Variants in RARB observed in about 807,000 individuals in gnomAD.
RARB encodes retinoic acid receptor beta, also known as HBV-activated protein.
RARB carries 17 observed loss-of-function variants against 51.9 expected under a neutral mutation model. That is an observed-to-expected ratio of 0.33 (90% CI 0.22 to 0.49). The LOEUF (loss-of-function observed/expected upper bound fraction) is 0.49. RARB is among the 20% of genes least tolerant of loss of function. The probability of loss-of-function intolerance (pLI) is 0.99; values close to 1 mark genes in which losing one functional copy is unlikely to be tolerated. For missense variants in RARB, 369 were observed against 550.8 expected (o/e 0.67, Z 3.30); for synonymous variants, 215 against 195.4 (o/e 1.10, Z -0.84).
intron 5 of RARB, among the ~76,000 whole-genome samples, chr3:25,226,857 T>C (rs1179069562): frequency 2.0e-5 from 3 of 152,200 alleles, no homozygotes; most frequent in African/African-American, 7.2e-5. Flanking sequence ...CAGTTACCCA[T>C]AATTGAACCT....
chr3:25,064,830 A>G (rs998947427), intron 3 of RARB, among the ~76,000 whole-genome samples: 1 of 152,166 alleles, frequency 6.6e-6, no homozygotes, highest in African/African-American at 2.4e-5. Context: ...GAAGTGTTTT[A>G]CTCATTGATG....
chr3:25,164,820 A>G (rs995523062), intron 4 of RARB, among the ~76,000 whole-genome samples: 5 of 152,126 alleles, frequency 3.3e-5, no homozygotes, highest in Non-Finnish European at 7.4e-5. Context: ...TTAACTCTCT[A>G]TCTTAAATTA....
intron 5 of RARB, among the ~76,000 whole-genome samples, chr3:25,265,827 G>T (rs997173635): frequency 2.0e-5 from 3 of 152,080 alleles, no homozygotes; most frequent in African/African-American, 7.2e-5. Flanking sequence ...GGGCTTCACT[G>T]GCTAAAATGA....
intron 3 of RARB, among the ~76,000 whole-genome samples, chr3:25,064,510 A>C (rs1294859571): frequency 6.6e-6 from 1 of 152,176 alleles, no homozygotes; most frequent in East Asian, 1.9e-4. Context: ...ACTGTCTTAT[A>C]GAATTACCGA....
At chr3:25,552,618 A>G (rs548562916) in intron 3 of RARB, among the ~76,000 whole-genome samples, 1 of 152,262 alleles carries the variant, frequency 6.6e-6, no homozygotes, top group South Asian at 2.1e-4. Context: ...TCCTCTCTCA[A>G]GTTCTTAGAA....
At chr3:25,237,787 T>G (rs765704339) in intron 5 of RARB, among the ~76,000 whole-genome samples, 27 of 152,164 alleles carry the variant, frequency 1.8e-4, no homozygotes, top group African/African-American at 7.2e-5. Flanking sequence ...TACTCTACTT[T>G]TAATGCCAAA....
intron 5 of RARB, among the ~76,000 whole-genome samples, chr3:25,202,304 G>A (rs537649340): frequency 1.4e-4 from 21 of 151,860 alleles, no homozygotes; most frequent in East Asian, 3.9e-4. Flanking sequence ...TTTTCATTGC[G>A]TCTATTTGAT....
intron 5 of RARB, among the ~76,000 whole-genome samples, chr3:25,357,567 T>C (rs1303291933): frequency 2.6e-5 from 4 of 152,262 alleles, no homozygotes; most frequent in African/African-American, 7.2e-5. Flanking sequence ...TTTGGTGTTT[T>C]AGTCATGAAG....
chr3:25,212,461 T>C (rs1304114163), intron 5 of RARB, among the ~76,000 whole-genome samples: 1 of 151,986 alleles, frequency 6.6e-6, no homozygotes, highest in Non-Finnish European at 1.5e-5. Flanking sequence ...CTACTAAAAA[T>C]ACAAAAATTA....
At chr3:25,338,535 T>G (rs1222679034) in intron 5 of RARB, among the ~76,000 whole-genome samples, 1 of 152,166 alleles carries the variant, frequency 6.6e-6, no homozygotes, top group African/African-American at 2.4e-5. Context: ...CACTCTCTAG[T>G]TACTTTGACA....
chr3:24,848,749 T>C (rs1702516526), intron 1 of RARB, among the ~76,000 whole-genome samples: 1 of 152,204 alleles, frequency 6.6e-6, no homozygotes, highest in Non-Finnish European at 1.5e-5. Context: ...TCTGTTTCCA[T>C]GATTGATTGT....
At chr3:25,062,270 T>C (rs992244711) in intron 3 of RARB, among the ~76,000 whole-genome samples, 2 of 151,830 alleles carry the variant, frequency 1.3e-5, no homozygotes, top group Admixed American at 6.6e-5. Flanking sequence ...TAAATACATA[T>C]AAAAGCTATA....
chr3:25,537,538 G>C (rs1377611213), intron 3 of RARB, among the ~76,000 whole-genome samples: 2 of 152,136 alleles, frequency 1.3e-5, no homozygotes, highest in Admixed American at 6.5e-5. Flanking sequence ...GGCTCTTGTG[G>C]GGCTGTTTTA....
Position 25,257,822 on chromosome 3 carries a change from C to T in RARB, c.178+83247C>T, listed in dbSNP as rs191394783. Reference sequence around the variant, plus strand: ...CAAACCTTCTAAGCCCTCTTTGTTACCTAGTCCTTTAAAACACCCCAAATA... The same window carrying T: ...CAAACCTTCTAAGCCCTCTTTGTTATCTAGTCCTTTAAAACACCCCAAATA... On this transcript the variant is annotated intron_variant, in intron 5 of 11. Coordinates refer to the RARB transcript ENST00000383772. Among the ~76,000 whole-genome samples the T allele has an allele frequency of 4.0e-3, 611 of 152,148 alleles. 3 individuals are homozygous for T. The highest frequency in any genetic ancestry group is 6.5e-3 in the Non-Finnish European group (442 of 67,990).
At chr3:24,998,385 A>G (rs1458570103) in intron 2 of RARB, among the ~76,000 whole-genome samples, 1 of 151,898 alleles carries the variant, frequency 6.6e-6, no homozygotes, top group Non-Finnish European at 1.5e-5. Flanking sequence ...ACTTAGTTGC[A>G]TATGATCCTA....
chr3:25,439,189 A>G (rs1415772981), intron 1 of RARB, among the ~76,000 whole-genome samples: 1 of 152,228 alleles, frequency 6.6e-6, no homozygotes, highest in Non-Finnish European at 1.5e-5. Context: ...GTCTTCCACT[A>G]CCAAAAGCAA....
chr3:25,517,373 C>A (rs1396522597), intron 3 of RARB, among the ~76,000 whole-genome samples: 1 of 152,084 alleles, frequency 6.6e-6, no homozygotes, highest in Non-Finnish European at 1.5e-5. Flanking sequence ...ATACAAATAA[C>A]TAATAAATAC....
intron 2 of RARB, among the ~76,000 whole-genome samples, chr3:24,867,616 TCTCATGGGAA>T (rs1192288158): frequency 6.6e-6 from 1 of 152,076 alleles, no homozygotes; most frequent in African/African-American, 2.4e-5. Flanking sequence ...GAGCCTTTGG[TCTCATGGGAA>T]GCAAACTTTG....
At chr3:25,335,047 G>T (rs1042304177) in intron 5 of RARB, among the ~76,000 whole-genome samples, 1 of 152,108 alleles carries the variant, frequency 6.6e-6, no homozygotes, top group African/African-American at 2.4e-5. Flanking sequence ...GGTGTTAGGT[G>T]GGGGTGTGAA....
Sources: allele counts gnomAD v4.1 joint callset (sites outside exome capture counted in the v4.1 genomes callset), GRCh38; gene constraint gnomAD v4.1.1; transcripts MANE v1.5; gene names NCBI Gene and HGNC (gene_info 2026-07-23, HGNC 2026-07-21).